The following AOPEP variants were observed in gnomAD, a reference collection of about 807,000 sequenced individuals.
AOPEP encodes aminopeptidase O (putative), also known as aminopeptidase O.
In AOPEP, 77 loss-of-function variants were observed where a neutral mutation model predicts 98.1. That is an observed-to-expected ratio of 0.78 (90% CI 0.65 to 0.95). The LOEUF is 0.95. Ranked by LOEUF, AOPEP falls within the 40% of genes least tolerant of loss-of-function variation. AOPEP has a pLI of 0.00. For missense variants in AOPEP, 1,024 were observed against 1,024.7 expected, an observed-to-expected ratio of 1.00 and a Z score of 0.01; for synonymous variants, 346 against 365.3, an observed-to-expected ratio of 0.95 and a Z score of 0.60.
chr9:95,091,037 C>T (rs936891442), downstream of AOPEP, among the ~76,000 whole-genome samples: 2 of 152,164 alleles, frequency 1.3e-5, no homozygotes, highest in Admixed American at 6.5e-5. Flanking sequence ...AGCCGGTGGC[C>T]GGGCCTGGGG....
At chr9:95,123,939 T>TA in the AOPEP span, 11 of 375,914 alleles carry the variant, frequency 2.9e-5, no homozygotes, top group South Asian at 2.4e-4. Flanking sequence ...TGTACTTAAT[T>TA]AAAAAATACA....
chr9:95,014,180 A>T (rs1461727449), intron 13 of AOPEP, among the ~76,000 whole-genome samples: 1 of 152,168 alleles, frequency 6.6e-6, no homozygotes, highest in Non-Finnish European at 1.5e-5. Flanking sequence ...CCAAATACAA[A>T]AATTGTCTGG....
rs918903294 is a variant in AOPEP at position 94,955,320 on chromosome 9, A to G, written c.1764+41A>G. Reference sequence around the variant, plus strand: ...TTGCAGAAGCCAGTGATTGTGGTGCAGCACTTTTTAGGCCACACAATTAAA... The same window carrying G: ...TTGCAGAAGCCAGTGATTGTGGTGCGGCACTTTTTAGGCCACACAATTAAA... On this transcript the variant is annotated intron_variant, in intron 8 of 16. Coordinates refer to ENST00000375315, the MANE Select transcript of AOPEP (RefSeq NM_001193329.3). The G allele has an allele frequency of 4.0e-6, 5 of 1,244,562 alleles. No homozygotes were observed. The African/African-American group carries it at 7.5e-5, about 19-fold the overall frequency. The allele number at this position is 1,244,562 out of a possible 1,614,324, so 77.1% of individuals were successfully genotyped here.
intron 13 of AOPEP, among the ~76,000 whole-genome samples, chr9:95,032,312 C>G (rs2064380894): frequency 6.6e-6 from 1 of 152,196 alleles, no homozygotes; most frequent in Non-Finnish European, 1.5e-5. Flanking sequence ...GGGAGCTGTT[C>G]TGGGCCAGAA....
intron 5 of AOPEP, among the ~76,000 whole-genome samples, chr9:94,847,609 G>A (rs560204399): frequency 6.6e-6 from 1 of 152,336 alleles, no homozygotes; most frequent in South Asian, 2.1e-4. Context: ...TATGTTAGCT[G>A]CCAGGCAAGC....
chr9:95,097,638 T>A, the AOPEP span, among the ~76,000 whole-genome samples: 1 of 152,228 alleles, frequency 6.6e-6, no homozygotes, highest in Non-Finnish European at 1.5e-5. Context: ...CAGCATTCAG[T>A]GCACGTTTCT....
At chr9:94,745,669 TC>T (rs1399346461) in intron 1 of AOPEP, among the ~76,000 whole-genome samples, 2 of 152,212 alleles carry the variant, frequency 1.3e-5, no homozygotes, top group Admixed American at 1.3e-4. Flanking sequence ...GTTCTCCGTT[TC>T]CATCCATATT....
intron 7 of AOPEP, among the ~76,000 whole-genome samples, chr9:94,936,590 G>A (rs867236294): frequency 1.3e-5 from 2 of 152,134 alleles, no homozygotes; most frequent in South Asian, 4.1e-4. Flanking sequence ...ATGTGTAGGA[G>A]GTTTCCCCAC....
At chr9:94,916,644 C>T (rs1379678526) in intron 5 of AOPEP, among the ~76,000 whole-genome samples, 1 of 149,468 alleles carries the variant, frequency 6.7e-6, no homozygotes, top group Non-Finnish European at 1.5e-5. Flanking sequence ...GTGGAGGTTG[C>T]AGTAAGCGCC....
chr9:95,099,105 C>T, the AOPEP span: 1 of 201,420 alleles, frequency 5.0e-6, no homozygotes, highest in South Asian at 1.9e-4. Flanking sequence ...CAACAAATTA[C>T]AGATTTTAAA....
the AOPEP span, among the ~76,000 whole-genome samples, chr9:95,114,996 A>G: frequency 2.0e-5 from 3 of 152,184 alleles, no homozygotes; most frequent in Admixed American, 2.0e-4. Flanking sequence ...GCTGGAGTGC[A>G]GTGGTACGAT....
chr9:94,904,248 C>T (rs2050829126), intron 5 of AOPEP: 1 of 152,202 alleles, frequency 6.6e-6, no homozygotes, highest in Non-Finnish European at 1.5e-5. Context: ...ATACATGATA[C>T]TAGAAATCCT....
chr9:94,929,615 G>C (rs1462897576), intron 7 of AOPEP, among the ~76,000 whole-genome samples: 1 of 152,262 alleles, frequency 6.6e-6, no homozygotes, highest in Non-Finnish European at 1.5e-5. Context: ...CAGGAGACCT[G>C]TGTTCCCGCC....
At chr9:94,795,320 A>G (rs1846678105) in intron 4 of AOPEP, among the ~76,000 whole-genome samples, 1 of 151,950 alleles carries the variant, frequency 6.6e-6, no homozygotes, top group African/African-American at 2.4e-5. Context: ...TTGAGCCACC[A>G]TTATTGACTG....
At chr9:95,132,723 T>TA in the AOPEP span, among the ~76,000 whole-genome samples, 1 of 151,810 alleles carries the variant, frequency 6.6e-6, no homozygotes, top group Non-Finnish European at 1.5e-5. Flanking sequence ...ACTCAGGTAA[T>TA]AAGAGACTAA....
chr9:95,073,411 G>A (rs2068700587), intron 14 of AOPEP, among the ~76,000 whole-genome samples: 1 of 151,990 alleles, frequency 6.6e-6, no homozygotes, highest in Non-Finnish European at 1.5e-5. Flanking sequence ...AAGACACAGT[G>A]GGTTATGAAA....
intron 5 of AOPEP, among the ~76,000 whole-genome samples, chr9:94,801,266 G>A (rs1848165678): frequency 6.6e-6 from 1 of 152,236 alleles, no homozygotes; most frequent in Non-Finnish European, 1.5e-5. Flanking sequence ...AGAATACATA[G>A]TGCCCCCTGA....
chr9:95,135,517 T>C, the AOPEP span: 6 of 1,612,420 alleles, frequency 3.7e-6, no homozygotes, highest in African/African-American at 2.7e-5. Context: ...CAGAAAGAAA[T>C]AAACAAAATT....
intron 1 of AOPEP, among the ~76,000 whole-genome samples, chr9:94,756,606 T>A (rs957588207): frequency 1.1e-4 from 16 of 152,088 alleles, no homozygotes; most frequent in Non-Finnish European, 1.8e-4. Context: ...GGGGATGGTG[T>A]TGAGAGAACA....
Sources: gnomAD v4.1 joint callset for allele counts (sites outside exome capture counted in the v4.1 genomes callset) on GRCh38, gnomAD v4.1.1 for gene constraint, MANE v1.5 for transcripts, NCBI Gene and HGNC (gene_info 2026-07-23, HGNC 2026-07-21) for gene names.